The following ZSWIM6 variants were observed in gnomAD, a reference collection of about 807,000 sequenced individuals.
ZSWIM6 encodes zinc finger SWIM domain-containing protein 6.
A neutral mutation model predicts 113.2 loss-of-function variants in ZSWIM6; 9 were observed. The ratio of observed to expected loss-of-function variants is 0.08; its 90% CI spans 0.05 to 0.14. The LOEUF is 0.14. ZSWIM6 is among the 10% of genes least tolerant of loss of function. The probability of loss-of-function intolerance (pLI) is 1.00; values close to 1 mark genes in which losing one functional copy is unlikely to be tolerated. For synonymous variants in ZSWIM6, 611 were observed against 606.5 expected (o/e 1.01, Z -0.11); for missense variants, 1,162 against 1,552.2 (o/e 0.75, Z 4.22).
chr5:61,516,974 T>C (rs958616256), intron 4 of ZSWIM6, among the ~76,000 whole-genome samples: 2 of 152,138 alleles, frequency 1.3e-5, no homozygotes, highest in African/African-American at 4.8e-5. Flanking sequence ...AAAGATATTG[T>C]TCCATTGTAT....
chr5:61,519,870 A>G (rs1366364633), intron 4 of ZSWIM6, among the ~76,000 whole-genome samples: 1 of 152,168 alleles, frequency 6.6e-6, no homozygotes, highest in East Asian at 1.9e-4. Context: ...TCAGATTATC[A>G]GGCATTAGTT....
intron 9 of ZSWIM6, among the ~76,000 whole-genome samples, chr5:61,533,334 T>C (rs1281368426): frequency 2.0e-5 from 3 of 152,236 alleles, no homozygotes. Context: ...CGTGCAGTTA[T>C]ACTCTTTGCA....
intron 1 of ZSWIM6, among the ~76,000 whole-genome samples, chr5:61,454,775 G>T (rs1473343459): frequency 6.6e-6 from 1 of 151,858 alleles, no homozygotes; most frequent in African/African-American, 2.4e-5. Flanking sequence ...GTAGAGATAG[G>T]GTTTCACCAT....
At position 61,531,573 on chromosome 5, in the gene ZSWIM6, G is replaced by T; in HGVS notation, c.2093G>T (p.Gly698Val). The T allele has an allele frequency of 6.4e-7, 1 of 1,551,686 alleles. No individual in the cohort carries two copies. Among genetic ancestry groups the T allele is most frequent in the Non-Finnish European group, 8.7e-7 (1 of 1,146,966 alleles). ...CTGGCTGTGGAAGTAGCCCTGATAG[G>T]GCTAGGACAGCAGCGTATCATGCCT... ...LTLAVEVALI[G>V]LGQQRIMPDG... is the part of the protein sequence containing the mutation. The change falls in exon 9 of 14, where the codon GGG becomes GTG. Residue 698 changes from glycine to valine, a missense_variant. By Grantham distance (109) the Gly-to-Val change is moderately radical (BLOSUM62 -3). Transcript: ENST00000252744.
intron 1 of ZSWIM6, among the ~76,000 whole-genome samples, chr5:61,376,777 ATAGTT>A (rs1745381349): frequency 6.9e-6 from 1 of 143,940 alleles, no homozygotes. Flanking sequence ...GTAACTAGTG[ATAGTT>A]TATTTTTTTG....
intron 1 of ZSWIM6, among the ~76,000 whole-genome samples, chr5:61,336,402 C>T (rs915641182): frequency 2.6e-5 from 4 of 152,070 alleles, no homozygotes; most frequent in East Asian, 3.8e-4. Context: ...TATTTTCTGG[C>T]GAAGAGCTTC....
intron 1 of ZSWIM6, among the ~76,000 whole-genome samples, chr5:61,418,443 A>G (rs557616067): frequency 5.5e-4 from 83 of 151,880 alleles, no homozygotes; most frequent in African/African-American, 2.0e-3. Flanking sequence ...ACTTTTTTGT[A>G]TTTTTAGTAG....
At chr5:61,332,985 C>T (rs1390323338) in intron 1 of ZSWIM6, 37 bp downstream of exon 1, 24 of 1,112,254 alleles carry the variant, frequency 2.2e-5, no homozygotes, top group East Asian at 8.7e-5. Flanking sequence ...TCTGTCCGTC[C>T]GTCAGTCCCT....
chr5:61,374,679 G>C (rs988572666), intron 1 of ZSWIM6, among the ~76,000 whole-genome samples: 4 of 151,974 alleles, frequency 2.6e-5, no homozygotes, highest in African/African-American at 9.7e-5. Flanking sequence ...TCAGCCTCCC[G>C]AGTAGCTGGG....
chr5:61,453,363 G>A (rs987896377), intron 1 of ZSWIM6, among the ~76,000 whole-genome samples: 1 of 147,112 alleles, frequency 6.8e-6, no homozygotes, highest in Non-Finnish European at 1.5e-5. Flanking sequence ...AACACTTTAC[G>A]TCCACTCTCT....
At chr5:61,497,106 G>GAA (rs34912981) in intron 4 of ZSWIM6, among the ~76,000 whole-genome samples, 97 of 119,772 alleles carry the variant, frequency 8.1e-4, no homozygotes, top group Middle Eastern at 4.6e-3. Context: ...AGTACACCAG[G>GAA]AAAAAAAAAA....
At chr5:61,351,829 A>C (rs2112040376) in intron 1 of ZSWIM6, among the ~76,000 whole-genome samples, 1 of 152,308 alleles carries the variant, frequency 6.6e-6, no homozygotes, top group South Asian at 2.1e-4. Context: ...AGCGCCATTA[A>C]AAAAATTTTA....
At chr5:61,480,689 T>C (rs1747833929) in intron 2 of ZSWIM6, among the ~76,000 whole-genome samples, 1 of 152,236 alleles carries the variant, frequency 6.6e-6, no homozygotes, top group Non-Finnish European at 1.5e-5. Flanking sequence ...AGTATGTTTA[T>C]TGAGTGTACA....
intron 12 of ZSWIM6, among the ~76,000 whole-genome samples, chr5:61,540,294 C>T (rs987975411): frequency 6.6e-6 from 1 of 152,144 alleles, no homozygotes; most frequent in East Asian, 1.9e-4. Context: ...ATTTTGAGTT[C>T]GTCATGCAGA....
At position 61,535,515 on chromosome 5, in the gene ZSWIM6, C is replaced by T. The variant is rs751233309; in HGVS notation, c.2277C>T (p.Ile759=). The T allele has an allele frequency of 3.9e-6, 6 of 1,551,242 alleles. No homozygotes were observed. In the South Asian group the frequency reaches 7.1e-5, roughly 18 times the overall value. Residue 759 remains isoleucine, a synonymous_variant, in exon 10 of 14, where the codon ATC becomes ATT. Coordinates refer to ENST00000252744, the MANE Select transcript of ZSWIM6 (RefSeq NM_020928.2). The part of the protein sequence containing the change: ...AGPYSGLGEI[I]HRESVPMHTF... ...CATATAGTGGTTTAGGTGAAATAAT[C>T]CATCGGGAGAGCGTTCCAATGCACA...
chr5:61,412,644 T>C (rs1051103441), intron 1 of ZSWIM6, among the ~76,000 whole-genome samples: 7 of 152,214 alleles, frequency 4.6e-5, no homozygotes, highest in Admixed American at 2.6e-4. Context: ...AAGAGGCACA[T>C]TGTGCTCAGT....
intron 1 of ZSWIM6, among the ~76,000 whole-genome samples, chr5:61,448,132 G>A (rs7719808): frequency 0.061 from 9,212 of 152,182 alleles, 923 homozygotes; most frequent in African/African-American, 0.21. Context: ...AAGACTGGGA[G>A]GATCAATTTC....
rs1488541937 is a variant in ZSWIM6, at chr5:61,544,213, G to A, written c.3544G>A (p.Ala1182Thr). 5.8e-6 allele frequency: 9 copies of A among 1,551,436 alleles called. No homozygotes were observed. The highest frequency in any genetic ancestry group is 1.4e-5 in the African/African-American group (1 of 72,976). ...LSKARETFLMAHDGHIQFTQF... is the reference protein window; with the variant it reads ...LSKARETFLMTHDGHIQFTQF... ...CAAAGCCCGAGAGACCTTCTTAATG[G>A]CGCATGATGGACACATTCAGTTTAC... The change falls in exon 14 of 14, where the codon GCG (alanine) becomes ACG (threonine). Residue 1182 changes from alanine (A) to threonine (T), a missense_variant. By Grantham distance (58) the Ala-to-Thr change is moderately conservative (BLOSUM62 0). Around this residue, in one of 4 missense-constraint regions of ZSWIM6, gnomAD observed 113 missense variants for 213.8 expected, o/e 0.53. Coordinates refer to ENST00000252744, the MANE Select transcript of ZSWIM6 (RefSeq NM_020928.2).
At chr5:61,357,579 T>C (rs1744941386) in intron 1 of ZSWIM6, among the ~76,000 whole-genome samples, 1 of 151,490 alleles carries the variant, frequency 6.6e-6, no homozygotes, top group South Asian at 2.1e-4. Context: ...GCTGATCTAG[T>C]AGCCTGAGAA....
Sources: gnomAD v4.1 joint callset for allele counts (sites outside exome capture counted in the v4.1 genomes callset) on GRCh38, gnomAD v4.1.1 for gene constraint, gnomAD v4.1.1 regional missense constraint, MANE v1.5 for transcripts, NCBI Gene and HGNC (gene_info 2026-07-23, HGNC 2026-07-21) for gene names.